The following LRPAP1 variants were observed in gnomAD, a reference collection of about 807,000 sequenced individuals.
LRPAP1 encodes the protein alpha-2-macroglobulin receptor-associated protein.
Under a neutral mutation model 39.9 loss-of-function variants are expected in LRPAP1, and 41 were observed. The observed-to-expected ratio is 1.03, with a 90% CI of 0.80 to 1.33. The LOEUF (loss-of-function observed/expected upper bound fraction) is 1.33. Among genes scored for constraint, LRPAP1 ranks in the 40% most tolerant of loss-of-function variants. The pLI, the probability that LRPAP1 is intolerant of heterozygous loss-of-function variation, is 0.00. For synonymous variants in LRPAP1, 263 were observed against 212.7 expected (o/e 1.24, Z -2.06); for missense variants, 565 against 482.3 (o/e 1.17, Z -1.61).
At position 3,504,140 on chromosome 4, in the gene LRPAP1, T is replaced by G. The variant is rs1219418506; in HGVS notation, c.*8834A>C. 6 of 152,290 alleles carry G rather than the reference T, an allele frequency of 3.9e-5. No individual in the cohort carries two copies. The highest frequency in any genetic ancestry group is 8.8e-5 in the Non-Finnish European group (6 of 68,070). 9.4% of individuals were successfully genotyped at this position (152,290 alleles called of 1,614,324 possible). A position where few individuals can be genotyped will look rare whatever the true frequency, so the allele number is the denominator to read the frequency against. ...CAACCCCCTCGCCCTATCCTGAATG[T>G]GAGCGGGGAAAGTGCTCACCTGGCA... On this transcript the variant is annotated 3_prime_UTR_variant, in exon 8 of 8. Transcript: ENST00000650182.
chr4:3,524,164 C>T (rs184907514), intron 2 of LRPAP1, among the ~76,000 whole-genome samples: 7 of 152,252 alleles, frequency 4.6e-5, no homozygotes, highest in East Asian at 1.9e-4. Context: ...GCCCTGCCGA[C>T]GGGCCCGTGG....
chr4:3,519,304 G>A (rs773382846), intron 3 of LRPAP1, among the ~76,000 whole-genome samples: 20 of 152,208 alleles, frequency 1.3e-4, no homozygotes, highest in Non-Finnish European at 2.2e-4. Flanking sequence ...TGGCTCTCCC[G>A]GCTGCAGGTG....
intron 5 of LRPAP1, among the ~76,000 whole-genome samples, chr4:3,517,388 T>C (rs1730770): frequency 0.71 from 107,813 of 152,264 alleles, 38,568 homozygotes; most frequent in East Asian, 0.92. Flanking sequence ...GCGGCTGCTG[T>C]CTCCTCGAGC....
At chr4:3,531,725 TCTC>T (rs1360328602) in intron 1 of LRPAP1, among the ~76,000 whole-genome samples, 2 of 152,218 alleles carry the variant, frequency 1.3e-5, no homozygotes, top group Non-Finnish European at 2.9e-5. Flanking sequence ...ACCGATCCCA[TCTC>T]CTCACCTCCT....
chr4:3,513,369 A>G (rs573979277), intron 7 of LRPAP1, among the ~76,000 whole-genome samples: 2 of 152,298 alleles, frequency 1.3e-5, no homozygotes, highest in South Asian at 2.1e-4. Context: ...GTGCAGTGGC[A>G]TGATCTCAGC....
intron 2 of LRPAP1, among the ~76,000 whole-genome samples, chr4:3,523,757 C>T (rs780892218): frequency 7.2e-5 from 11 of 152,202 alleles, no homozygotes; most frequent in Non-Finnish European, 1.2e-4. Flanking sequence ...GCCATCAGCG[C>T]GTGTGAAAAG....
intron 6 of LRPAP1, chr4:3,515,854 C>T (rs575953642): frequency 1.2e-4 from 64 of 525,348 alleles, no homozygotes; most frequent in East Asian, 6.4e-4. Flanking sequence ...CCACAGGACC[C>T]GCACCAAGGC....
rs1245693684 is a variant in LRPAP1, at chr4:3,520,075, G to C, written c.468C>G (p.His156Gln). The C allele has an allele frequency of 1.9e-6, 3 of 1,613,938 alleles. No individual in the cohort carries two copies. In the African/African-American group the frequency reaches 4.0e-5, roughly 22 times the overall value. Reference sequence around the variant, plus strand: ...TATGCAAACAATCGAAGAGTACCTTGTGCCACAGCTTTTCCAGCCTGGGGT... The same window carrying C: ...TATGCAAACAATCGAAGAGTACCTTCTGCCACAGCTTTTCCAGCCTGGGGT... ...LDDPRLEKLWHKAKTSGKFSG... is the reference protein window; with the variant it reads ...LDDPRLEKLWQKAKTSGKFSG... Residue 156 changes from histidine (H) to glutamine (Q), a missense_variant, in exon 3 of 8, where the codon CAC (histidine) becomes CAG (glutamine). By Grantham distance (24) the His-to-Gln change is conservative (BLOSUM62 0). Coordinates refer to ENST00000650182, the MANE Select transcript of LRPAP1 (RefSeq NM_002337.4).
At position 3,512,939 on chromosome 4, in the gene LRPAP1, G is replaced by A; in HGVS notation, c.*35C>T. 6.3e-7 allele frequency: 1 copy of A among 1,589,778 alleles called. No individual in the cohort carries two copies. The highest frequency in any genetic ancestry group is 8.6e-7 in the Non-Finnish European group (1 of 1,167,804). On this transcript the variant is annotated 3_prime_UTR_variant, in exon 8 of 8. Transcript: ENST00000650182. ...CCAAGAGCCCAGGTCCTTCACGCTG[G>A]CCTCTTCCCTGCCGGGCTGGGCTCC...
intron 2 of LRPAP1, among the ~76,000 whole-genome samples, chr4:3,524,118 A>G (rs1730006509): frequency 6.6e-6 from 1 of 152,140 alleles, no homozygotes; most frequent in Non-Finnish European, 1.5e-5. Context: ...CCCCAGTCCC[A>G]CGGGCCCACC....
At chr4:3,522,255 G>A (rs1214196359) in intron 2 of LRPAP1, among the ~76,000 whole-genome samples, 1 of 152,230 alleles carries the variant, frequency 6.6e-6, no homozygotes, top group East Asian at 1.9e-4. Flanking sequence ...GGGGCTCTGA[G>A]GCTAGCCTGG....
chr4:3,525,028 C>G lies in LRPAP1; in HGVS notation c.228G>C (p.Leu76=). Residue 76 remains leucine (L), a synonymous_variant, in exon 2 of 8, where the codon CTG becomes CTC. Coordinates refer to ENST00000650182, the MANE Select transcript of LRPAP1 (RefSeq NM_002337.4). ...AQRLHLPPVR[L]AELHADLKIQ... The stretch of plus-strand genomic sequence containing the variant: ...TCTTCAGATCAGCGTGGAGCTCGGC[C>G]AGCCTCACGGGAGGAAGATGCAGCT... 1.9e-6 allele frequency: 3 copies of G among 1,614,028 alleles called. No homozygotes were observed. The highest frequency in any genetic ancestry group is 2.5e-6 in the Non-Finnish European group (3 of 1,180,016).
At chr4:3,518,771 C>A (rs1248471575) in intron 4 of LRPAP1, 100 bp downstream of exon 4, 12 of 781,446 alleles carry the variant, frequency 1.5e-5, no homozygotes, top group Non-Finnish European at 2.0e-6. Flanking sequence ...CTGAGGGGAG[C>A]TGAGGCTGCC....
chr4:3,518,997 A>AG lies in LRPAP1; in HGVS notation c.472-7dup. ...AATTTCCCAGAGGTCTTCGCCTAAG[A>AG]GGGAAACAAGGCCTGGAGTGAACCC... On this transcript the variant is annotated splice_region_variant and splice_polypyrimidine_tract_variant and intron_variant, in intron 3 of 7. Transcript: ENST00000650182. The AG allele has an allele frequency of 6.2e-7, 1 of 1,612,566 alleles. No individual in the cohort carries two copies.
intron 2 of LRPAP1, among the ~76,000 whole-genome samples, chr4:3,520,458 A>G (rs1302700922): frequency 6.6e-6 from 1 of 152,206 alleles, no homozygotes; most frequent in African/African-American, 2.4e-5. Flanking sequence ...TACCAGGGAC[A>G]CGCCGGCTGG....
At chr4:3,524,565 C>T (rs952843967) in intron 2 of LRPAP1, among the ~76,000 whole-genome samples, 1 of 152,192 alleles carries the variant, frequency 6.6e-6, no homozygotes, top group Non-Finnish European at 1.5e-5. Context: ...CGGAGGATAG[C>T]CCCCCGCAGG....
At chr4:3,524,770 T>C (rs1027218071) in intron 2 of LRPAP1, 137 bp downstream of exon 2, 3 of 1,015,570 alleles carry the variant, frequency 3.0e-6, no homozygotes, top group South Asian at 2.9e-5. Context: ...GGGGAAAGGC[T>C]CATTTTGGAT....
chr4:3,520,114 T>C lies in LRPAP1; in HGVS notation c.429A>G (p.Glu143=). 2 of 1,614,206 alleles carry C rather than the reference T, an allele frequency of 1.2e-6. No homozygotes were observed. The highest frequency in any genetic ancestry group is 1.3e-5 in the African/African-American group (1 of 75,052). The part of the protein sequence containing the change: ...VTSNSLSGTQ[E]DGLDDPRLEK... ...CCAGCCTGGGGTCATCCAGCCCGTC[T>C]TCCTGGGTGCCACTGAGGGAGTTGC... Residue 143 remains glutamate (E), a synonymous_variant, in exon 3 of 8, where the codon GAA becomes GAG. Transcript: ENST00000650182.
chr4:3,522,844 G>C (rs548817290), intron 2 of LRPAP1, among the ~76,000 whole-genome samples: 2 of 152,254 alleles, frequency 1.3e-5, no homozygotes, highest in East Asian at 3.9e-4. Context: ...AGCGTGGCCC[G>C]TCTGTCTCAG....
Sources: gnomAD v4.1 joint callset for allele counts (sites outside exome capture counted in the v4.1 genomes callset) on GRCh38, gnomAD v4.1.1 for gene constraint, MANE v1.5 for transcripts, NCBI Gene and HGNC (gene_info 2026-07-23, HGNC 2026-07-21) for gene names.